Variants in MYO10 observed in about 807,000 individuals in gnomAD.
MYO10 encodes unconventional myosin-X.
Under a neutral mutation model 257.3 loss-of-function variants are expected in MYO10, and 133 were observed. The ratio of observed to expected loss-of-function variants is 0.52; its 90% CI spans 0.45 to 0.60. MYO10 has a LOEUF of 0.60. Among genes scored for constraint, MYO10 ranks in the 20% least tolerant of loss-of-function variants. MYO10 has a pLI of 0.00. For synonymous variants in MYO10, 1,104 were observed against 1,028.6 expected (o/e 1.07, Z -1.40); for missense variants, 2,399 against 2,635.7 (o/e 0.91, Z 1.97).
chr5:16,780,772 A>C, intron 6 of MYO10, 31 bp from the exon 7 acceptor site: 1 of 1,561,364 alleles, frequency 6.4e-7, no homozygotes, highest in South Asian at 1.2e-5. Flanking sequence ...CAAGTCAAGG[A>C]AAAAAACAAA....
intron 9 of MYO10, among the ~76,000 whole-genome samples, chr5:16,772,445 T>C (rs1199862553): frequency 6.6e-6 from 1 of 152,218 alleles, no homozygotes; most frequent in African/African-American, 2.4e-5. Context: ...TGGTATACTT[T>C]TTAAAGAAAA....
chr5:16,854,950 C>T (rs1561020547), intron 2 of MYO10, among the ~76,000 whole-genome samples: 1 of 151,720 alleles, frequency 6.6e-6, no homozygotes, highest in South Asian at 2.1e-4. Flanking sequence ...GGAGAACTGC[C>T]AGAACCTGGG....
In MYO10 at chr5:16,713,437, TG is replaced by T. The variant is rs537012644; in HGVS notation, c.1930-2193del. ...GACCTTTTCCCCACAGCTAAAGACA[TG>T]GAACAATAATGAACACCATTCCTGT... On this transcript the variant is annotated intron_variant, in intron 19 of 40. Coordinates refer to ENST00000513610, the MANE Select transcript of MYO10 (RefSeq NM_012334.3). 1.2e-3 allele frequency: 1,141 copies of T among 985,782 alleles called. 13 individuals carry two copies. The African/African-American group carries it at 0.019, about 16-fold the overall frequency. 61.1% of individuals were successfully genotyped at this position (985,782 alleles called of 1,614,324 possible). A position where few individuals can be genotyped will look rare whatever the true frequency, so the allele number is the denominator to read the frequency against.
At chr5:16,861,326 G>C (rs918525655) in intron 2 of MYO10, among the ~76,000 whole-genome samples, 1 of 151,840 alleles carries the variant, frequency 6.6e-6, no homozygotes, top group African/African-American at 2.4e-5. Context: ...AGCACTTTGG[G>C]AGGCCGAGGC....
chr5:16,737,931 T>C (rs1483202667), intron 19 of MYO10, among the ~76,000 whole-genome samples: 4 of 152,198 alleles, frequency 2.6e-5, no homozygotes, highest in African/African-American at 9.6e-5. Flanking sequence ...CTGTTTGAGA[T>C]AGCTGACGCG....
At chr5:16,892,358 T>C (rs750436117) in intron 1 of MYO10, among the ~76,000 whole-genome samples, 4 of 151,762 alleles carry the variant, frequency 2.6e-5, no homozygotes, top group African/African-American at 4.8e-5. Context: ...AGCCATGGGG[T>C]TGCCGGGCAC....
intron 40 of MYO10, 88 bp from the exon 41 acceptor site, chr5:16,666,881 A>C (rs1579776346): frequency 1.8e-6 from 2 of 1,083,440 alleles, no homozygotes; most frequent in East Asian, 2.7e-5. Context: ...TTCCCTGGGC[A>C]CCCTCCCGTA....
chr5:16,715,757 T>A (rs77431416), intron 19 of MYO10, among the ~76,000 whole-genome samples: 3,364 of 152,178 alleles, frequency 0.022, 114 homozygotes, highest in African/African-American at 0.075. Context: ...GTTAAAAAAA[T>A]TTTTTAAGTA....
chr5:16,752,135 A>G (rs1333013807), intron 19 of MYO10, among the ~76,000 whole-genome samples: 1 of 152,196 alleles, frequency 6.6e-6, no homozygotes, highest in African/African-American at 2.4e-5. Context: ...TAAAGTTTCT[A>G]CTTTATTATA....
At chr5:16,761,907 C>A (rs1740723749) in intron 16 of MYO10, 138 bp downstream of exon 16, 1 of 861,084 alleles carries the variant, frequency 1.2e-6, no homozygotes, top group Non-Finnish European at 1.7e-6. Context: ...CCTGCCTCAG[C>A]CTCCCAAAGT....
intron 2 of MYO10, among the ~76,000 whole-genome samples, chr5:16,830,106 C>T (rs573501751): frequency 1.3e-5 from 2 of 152,062 alleles, no homozygotes; most frequent in Non-Finnish European, 2.9e-5. Context: ...CGTCATGGTG[C>T]GCGCCTTTAG....
chr5:16,764,437 C>A, intron 11 of MYO10, 41 bp from the exon 12 acceptor site: 2 of 1,607,546 alleles, frequency 1.2e-6, no homozygotes, highest in Non-Finnish European at 8.5e-7. Context: ...TGACCCCGGG[C>A]ACCCCAGACA....
intron 4 of MYO10, among the ~76,000 whole-genome samples, chr5:16,790,071 C>T (rs1052771056): frequency 1.9e-4 from 29 of 151,692 alleles, no homozygotes; most frequent in Non-Finnish European, 1.5e-5. Flanking sequence ...CCTTTCTAAT[C>T]GAGGATGCAA....
chr5:16,741,438 T>C (rs530214061), intron 19 of MYO10, among the ~76,000 whole-genome samples: 1 of 152,230 alleles, frequency 6.6e-6, no homozygotes, highest in African/African-American at 2.4e-5. Flanking sequence ...ATGACTGCAG[T>C]GTATAAACTC....
At chr5:16,789,237 G>C (rs1351599707) in intron 4 of MYO10, among the ~76,000 whole-genome samples, 1 of 152,208 alleles carries the variant, frequency 6.6e-6, no homozygotes, top group Non-Finnish European at 1.5e-5. Flanking sequence ...TTGATTAGTT[G>C]CAACAGAGGT....
At chr5:16,893,646 A>AAG (rs1465930519) in intron 1 of MYO10, among the ~76,000 whole-genome samples, 5 of 148,500 alleles carry the variant, frequency 3.4e-5, no homozygotes, top group Non-Finnish European at 4.4e-5. Flanking sequence ...AAAAAAAAAA[A>AAG]AAAAAAGAAA....
intron 33 of MYO10, among the ~76,000 whole-genome samples, chr5:16,679,615 C>T (rs191530451): frequency 1.2e-3 from 185 of 150,480 alleles, no homozygotes; most frequent in Middle Eastern, 0.01. Context: ...ACCTCTGCCT[C>T]GGAGGTTCAA....
chr5:16,863,980 C>G (rs1744174516), intron 2 of MYO10, among the ~76,000 whole-genome samples: 1 of 152,236 alleles, frequency 6.6e-6, no homozygotes, highest in Middle Eastern at 3.4e-3. Context: ...CACCTGCAGT[C>G]CCAGCTACTT....
At chr5:16,693,311 G>A (rs1243948094) in intron 27 of MYO10, among the ~76,000 whole-genome samples, 2 of 152,180 alleles carry the variant, frequency 1.3e-5, no homozygotes, top group African/African-American at 4.8e-5. Context: ...ATCACGGTAT[G>A]TGAGGCTGAG....
Sources: allele counts gnomAD v4.1 joint callset (sites outside exome capture counted in the v4.1 genomes callset), GRCh38; gene constraint gnomAD v4.1.1; transcripts MANE v1.5; gene names NCBI Gene and HGNC (gene_info 2026-07-23, HGNC 2026-07-21).